The following ZNF384 variants were observed in gnomAD, a reference collection of about 807,000 sequenced individuals.
ZNF384 encodes zinc finger protein 384.
A neutral mutation model predicts 65.0 loss-of-function variants in ZNF384; 20 were observed. The observed-to-expected ratio is 0.31, with a 90% confidence interval of 0.22 to 0.45. The LOEUF is 0.45. ZNF384 is among the 20% of genes least tolerant of loss of function. The pLI is 1.00. For synonymous variants in ZNF384, 310 were observed against 303.9 expected (o/e 1.02, Z -0.21); for missense variants, 549 against 769.4 (o/e 0.71, Z 3.39).
intron 6 of ZNF384, among the ~76,000 whole-genome samples, chr12:6,677,553 T>C (rs1010253696): frequency 6.6e-6 from 1 of 152,182 alleles, no homozygotes; most frequent in African/African-American, 2.4e-5. Context: ...TTAGAGGAAG[T>C]GGAGAATCAA....
intron 10 of ZNF384, 64 bp downstream of exon 10, chr12:6,670,696 C>T (rs772134911): frequency 1.8e-5 from 27 of 1,479,436 alleles, no homozygotes; most frequent in Admixed American, 1.0e-4. Flanking sequence ...TTGAGAACCA[C>T]GATACTATTC....
At chr12:6,689,515 T>G (rs1959171541), upstream of ZNF384, 1 of 151,806 alleles carries the variant, frequency 6.6e-6, no homozygotes, top group Non-Finnish European at 1.5e-5. Context: ...AATAGCAATG[T>G]AGGGGGGGCG....
At chr12:6,680,143 A>G (rs1490763281) in intron 2 of ZNF384, among the ~76,000 whole-genome samples, 2 of 152,112 alleles carry the variant, frequency 1.3e-5, no homozygotes, top group Non-Finnish European at 1.5e-5. Flanking sequence ...TTTTTTCTTT[A>G]AAGTAGAGAC....
At chr12:6,676,376 AGTCTCCC>A (rs1325147365) in intron 7 of ZNF384, among the ~76,000 whole-genome samples, 1 of 152,248 alleles carries the variant, frequency 6.6e-6, no homozygotes, top group Admixed American at 6.5e-5. Flanking sequence ...GGATACAATA[AGTCTCCC>A]TTCAATTTCA....
chr12:6,675,458 T>C (rs1953128565), intron 7 of ZNF384, among the ~76,000 whole-genome samples: 1 of 152,110 alleles, frequency 6.6e-6, no homozygotes, highest in African/African-American at 2.4e-5. Context: ...CAAGCAGAGG[T>C]TGGAATCATC....
In ZNF384 at chr12:6,667,582, A is replaced by C; in HGVS notation, c.*132T>G. ...AAAAGGATGGTATCCTGTGAAGGAA[A>C]GCCGTGACAGAGGCCCAAGGAGATG... On this transcript the variant is annotated 3_prime_UTR_variant, in exon 12 of 12. Transcript: ENST00000683879. 8.5e-7 allele frequency: 1 copy of C among 1,172,050 alleles called. No individual in the cohort carries two copies. The highest frequency in any genetic ancestry group is 1.3e-6 in the Non-Finnish European group (1 of 788,512). 72.6% of individuals were successfully genotyped at this position (1,172,050 alleles called of 1,614,324 possible).
chr12:6,686,361 C>T (rs1394886889), intron 2 of ZNF384, among the ~76,000 whole-genome samples: 1 of 152,204 alleles, frequency 6.6e-6, no homozygotes, highest in South Asian at 2.1e-4. Flanking sequence ...TCAAGCAATT[C>T]TCCTGCCTCA....
intron 2 of ZNF384, among the ~76,000 whole-genome samples, chr12:6,683,288 C>CAA (rs530418197): frequency 1.5e-5 from 2 of 136,020 alleles, no homozygotes; most frequent in South Asian, 4.7e-4. Context: ...AAGACTGTCT[C>CAA]AAAAAAAAAA....
intron 7 of ZNF384, among the ~76,000 whole-genome samples, chr12:6,676,126 C>A (rs1953452020): frequency 6.6e-6 from 1 of 152,132 alleles, no homozygotes; most frequent in South Asian, 2.1e-4. Context: ...GTGGTGAAAC[C>A]CTGTCTCTAC....
At chr12:6,676,752 A>T (rs1163418420) in intron 7 of ZNF384, among the ~76,000 whole-genome samples, 1 of 152,246 alleles carries the variant, frequency 6.6e-6, no homozygotes, top group Non-Finnish European at 1.5e-5. Context: ...GATATATAAG[A>T]GAATGCCTTT....
At chr12:6,670,009 T>A (rs146552189) in intron 10 of ZNF384, among the ~76,000 whole-genome samples, 102 of 152,090 alleles carry the variant, frequency 6.7e-4, no homozygotes, top group African/African-American at 2.3e-3. Context: ...CCCTCAAAAT[T>A]TCAAGTGGCT....
intron 2 of ZNF384, among the ~76,000 whole-genome samples, chr12:6,685,907 T>C (rs973742904): frequency 2.6e-5 from 4 of 151,100 alleles, no homozygotes; most frequent in Admixed American, 6.6e-5. Context: ...CCTCAGGAGA[T>C]AAAGAAGAGA....
intron 11 of ZNF384, 21 bp downstream of exon 11, chr12:6,669,010 G>A: frequency 6.3e-7 from 1 of 1,586,704 alleles, no homozygotes; most frequent in Non-Finnish European, 8.6e-7. Flanking sequence ...TGAGGAAGGA[G>A]AGAAGAAACG....
intron 2 of ZNF384, among the ~76,000 whole-genome samples, chr12:6,680,970 A>T (rs1021137928): frequency 3.3e-5 from 5 of 152,116 alleles, no homozygotes; most frequent in African/African-American, 1.2e-4. Flanking sequence ...TAATCCTAGC[A>T]CTTTGGGAGG....
chr12:6,668,396 G>A (rs1170455412), intron 11 of ZNF384, among the ~76,000 whole-genome samples: 1 of 152,052 alleles, frequency 6.6e-6, no homozygotes, highest in African/African-American at 2.4e-5. Flanking sequence ...ACCTTTTCTG[G>A]AGTCTCATGG....
At chr12:6,677,582 G>C (rs1377727719) in intron 6 of ZNF384, among the ~76,000 whole-genome samples, 1 of 152,170 alleles carries the variant, frequency 6.6e-6, no homozygotes, top group African/African-American at 2.4e-5. Context: ...TCATAAATTA[G>C]AAAGTGAGCA....
chr12:6,679,353 G>T, intron 3 of ZNF384, 102 bp downstream of exon 3: 2 of 1,286,308 alleles, frequency 1.6e-6, no homozygotes, highest in South Asian at 1.3e-5. Context: ...AATTCTCAGG[G>T]GTGGGGGACC....
intron 2 of ZNF384, 124 bp from the exon 3 acceptor site, chr12:6,679,649 C>G: frequency 1.4e-6 from 1 of 698,210 alleles, no homozygotes; most frequent in African/African-American, 1.8e-5. Context: ...TGGGGACTGG[C>G]AGTCAAGACT....
At chr12:6,679,555 C>T in intron 2 of ZNF384, 30 bp from the exon 3 acceptor site, 1 of 1,567,948 alleles carries the variant, frequency 6.4e-7, no homozygotes, top group Non-Finnish European at 8.8e-7. Flanking sequence ...ACATGTCACA[C>T]TCAGGAATTA....
Sources: allele counts gnomAD v4.1 joint callset (sites outside exome capture counted in the v4.1 genomes callset), GRCh38; gene constraint gnomAD v4.1.1; transcripts MANE v1.5; gene names NCBI Gene and HGNC (gene_info 2026-07-23, HGNC 2026-07-21).